The following VAV3 variants were observed in gnomAD, a reference collection of about 807,000 sequenced individuals.
VAV3 encodes the protein guanine nucleotide exchange factor VAV3.
VAV3 carries 94 observed loss-of-function variants against 131.2 expected under a neutral mutation model. The ratio of observed to expected loss-of-function variants is 0.72; its 90% confidence interval spans 0.61 to 0.85. The LOEUF (loss-of-function observed/expected upper bound fraction) is 0.85, where lower values mean the gene tolerates loss of function less well. Ranked by LOEUF, VAV3 falls within the 40% of genes least tolerant of loss-of-function variation. The probability of loss-of-function intolerance (pLI) is 0.00; values close to 1 mark genes in which losing one functional copy is unlikely to be tolerated. For synonymous variants in VAV3, 349 were observed against 342.0 expected (o/e 1.02, Z -0.22); for missense variants, 939 against 1,002.7 (o/e 0.94, Z 0.86).
chr1:107,610,591 T>C (rs906924153), intron 21 of VAV3, among the ~76,000 whole-genome samples: 4 of 152,112 alleles, frequency 2.6e-5, no homozygotes, highest in African/African-American at 7.2e-5. Context: ...AAGAACCTTT[T>C]ATTCAGAAAA....
At chr1:107,926,623 G>A (rs1403902230) in intron 1 of VAV3, among the ~76,000 whole-genome samples, 4 of 151,932 alleles carry the variant, frequency 2.6e-5, no homozygotes, top group Admixed American at 6.6e-5. Flanking sequence ...GAGAGAATCT[G>A]TGCACATGGT....
At chr1:107,798,922 G>A (rs1227740244) in intron 2 of VAV3, among the ~76,000 whole-genome samples, 2 of 151,828 alleles carry the variant, frequency 1.3e-5, no homozygotes, top group Admixed American at 6.6e-5. Context: ...TTTTAGAGTT[G>A]TACAACAAGC....
intron 1 of VAV3, among the ~76,000 whole-genome samples, chr1:107,916,327 C>T (rs1374822445): frequency 1.3e-5 from 2 of 152,156 alleles, no homozygotes; most frequent in African/African-American, 2.4e-5. Context: ...TGAATTACTA[C>T]AATCAATCTA....
chr1:107,583,010 C>G (rs1247550446), intron 25 of VAV3, among the ~76,000 whole-genome samples: 5 of 152,206 alleles, frequency 3.3e-5, no homozygotes, highest in African/African-American at 1.2e-4. Context: ...AATGGTTGAA[C>G]TAGTTTACAG....
chr1:107,634,304 C>CA (rs1654736429), intron 20 of VAV3, among the ~76,000 whole-genome samples: 1 of 152,044 alleles, frequency 6.6e-6, no homozygotes, highest in African/African-American at 2.4e-5. Context: ...ACAGAGCCCT[C>CA]AAAAATAATG....
At chr1:107,826,053 C>A (rs577075713) in intron 2 of VAV3, among the ~76,000 whole-genome samples, 279 of 152,186 alleles carry the variant, frequency 1.8e-3, no homozygotes, top group African/African-American at 6.6e-3. Flanking sequence ...TAATGAAATG[C>A]GGAATCAACA....
intron 19 of VAV3, among the ~76,000 whole-genome samples, chr1:107,647,430 T>C (rs912144275): frequency 6.6e-6 from 1 of 151,950 alleles, no homozygotes; most frequent in African/African-American, 2.4e-5. Flanking sequence ...GTGCTGGGCA[T>C]GGCAGTTTCA....
At chr1:107,960,893 T>C (rs1675050845) in intron 1 of VAV3, among the ~76,000 whole-genome samples, 1 of 151,952 alleles carries the variant, frequency 6.6e-6, no homozygotes, top group South Asian at 2.1e-4. Context: ...TCAAATGGGT[T>C]CATAGCACAT....
chr1:107,703,537 T>C (rs150877825), intron 17 of VAV3, among the ~76,000 whole-genome samples: 1 of 152,308 alleles, frequency 6.6e-6, no homozygotes, highest in Non-Finnish European at 1.5e-5. Context: ...GCACAGAGAA[T>C]GGCACAGAGG....
chr1:107,633,396 C>T (rs1042601714), intron 20 of VAV3, among the ~76,000 whole-genome samples: 6 of 152,152 alleles, frequency 3.9e-5, no homozygotes, highest in African/African-American at 4.8e-5. Flanking sequence ...GCCACTTATA[C>T]GCACCAAGAT....
chr1:107,874,952 T>C lies in VAV3; in HGVS notation c.270A>G (p.Lys90=), dbSNP rs1670422725. 15 of 1,613,444 alleles carry C rather than the reference T, an allele frequency of 9.3e-6. No individual in the cohort carries two copies. Among genetic ancestry groups the C allele is most frequent in the Non-Finnish European group, 1.1e-5 (13 of 1,179,582 alleles). Residue 90 remains lysine (K), a synonymous_variant, in exon 2 of 27, where the codon AAA becomes AAG. Transcript: ENST00000370056. ...TACCETFGMR[K]SELFEAFDLF... ...AGTCAAATGCCTCGAAAAGTTCACT[T>C]TTCCTCATTCCAAACGTCTCACAAC...
chr1:107,617,470 A>C (rs1355687669), intron 21 of VAV3, 97 bp downstream of exon 21: 6 of 931,246 alleles, frequency 6.4e-6, no homozygotes. Context: ...TAAAATTAAT[A>C]ACTGACCTGG....
chr1:107,902,783 T>TA (rs909176416), intron 1 of VAV3, among the ~76,000 whole-genome samples: 19 of 151,026 alleles, frequency 1.3e-4, no homozygotes, highest in East Asian at 1.9e-4. Flanking sequence ...ATTAAAGAAT[T>TA]AAAAAAAAAG....
At chr1:107,736,500 T>A (rs1662646013) in intron 15 of VAV3, among the ~76,000 whole-genome samples, 1 of 152,164 alleles carries the variant, frequency 6.6e-6, no homozygotes, top group African/African-American at 2.4e-5. Context: ...GATAAGCAAC[T>A]TCAGCAAAGT....
intron 25 of VAV3, among the ~76,000 whole-genome samples, chr1:107,590,745 C>T (rs1348524929): frequency 6.6e-6 from 1 of 152,114 alleles, no homozygotes; most frequent in African/African-American, 2.4e-5. Context: ...GATTTCAAAT[C>T]CTTTATCCAA....
At chr1:107,923,882 G>A (rs1029732646) in intron 1 of VAV3, among the ~76,000 whole-genome samples, 1 of 152,176 alleles carries the variant, frequency 6.6e-6, no homozygotes, top group African/African-American at 2.4e-5. Flanking sequence ...AGGACACAAT[G>A]AGAAGGTGCC....
At chr1:107,579,933 C>T (rs1205598782) in intron 25 of VAV3, among the ~76,000 whole-genome samples, 1 of 152,182 alleles carries the variant, frequency 6.6e-6, no homozygotes, top group African/African-American at 2.4e-5. Context: ...CTCTGCTGAC[C>T]TTAACTTCCC....
At chr1:107,908,639 C>A (rs917993809) in intron 1 of VAV3, among the ~76,000 whole-genome samples, 1 of 152,072 alleles carries the variant, frequency 6.6e-6, no homozygotes, top group African/African-American at 2.4e-5. Flanking sequence ...CTAAATTATG[C>A]ATACTTTTCT....
At chr1:107,880,901 T>C (rs757277917) in intron 1 of VAV3, among the ~76,000 whole-genome samples, 4 of 152,200 alleles carry the variant, frequency 2.6e-5, no homozygotes, top group Non-Finnish European at 5.9e-5. Flanking sequence ...TTGCTATGTG[T>C]CAAGCTCTAT....
Sources: allele counts gnomAD v4.1 joint callset (sites outside exome capture counted in the v4.1 genomes callset), GRCh38; gene constraint gnomAD v4.1.1; transcripts MANE v1.5; gene names NCBI Gene and HGNC (gene_info 2026-07-23, HGNC 2026-07-21).